PHRF1: variants seen among roughly 807,000 people sequenced by gnomAD.
PHRF1 encodes PHD and ring finger domains 1, also known as PHD and RING finger domain-containing protein 1.
Under a neutral mutation model 128.9 loss-of-function variants are expected in PHRF1, and 53 were observed. The observed-to-expected ratio is 0.41, with a 90% CI of 0.33 to 0.52. The LOEUF (loss-of-function observed/expected upper bound fraction) is 0.52, where lower values mean the gene tolerates loss of function less well. Ranked by LOEUF, PHRF1 falls within the 20% of genes least tolerant of loss-of-function variation. The probability of loss-of-function intolerance (pLI) is 0.21; values close to 1 mark genes in which losing one functional copy is unlikely to be tolerated. For missense variants in PHRF1, 2,503 were observed against 2,284.5 expected (o/e 1.10, Z -1.95); for synonymous variants, 1,178 against 980.6 (o/e 1.20, Z -3.76).
chr11:594,319 C>T (rs1157568809), intron 6 of PHRF1, among the ~76,000 whole-genome samples: 1 of 152,248 alleles, frequency 6.6e-6, no homozygotes, highest in African/African-American at 2.4e-5. Context: ...GCAAGGCCCT[C>T]ATCGCAGGCC....
At chr11:592,754 C>G in intron 6 of PHRF1, 80 bp downstream of exon 6, 3 of 1,470,554 alleles carry the variant, frequency 2.0e-6, no homozygotes, top group East Asian at 2.3e-5. Flanking sequence ...AGAGCCTCTT[C>G]GCTCTGTGAA....
At chr11:579,797 C>T (rs1265287586) in intron 1 of PHRF1, among the ~76,000 whole-genome samples, 1 of 152,224 alleles carries the variant, frequency 6.6e-6, no homozygotes, top group Non-Finnish European at 1.5e-5. Context: ...TGGCAGTTGA[C>T]AGTTGGATGG....
chr11:609,767 A>C, intron 14 of PHRF1, 47 bp downstream of exon 14: 5 of 1,205,086 alleles, frequency 4.1e-6, no homozygotes, highest in South Asian at 3.2e-5. Context: ...CCCAGTGAGT[A>C]AGGCCCTGGC....
intron 1 of PHRF1, among the ~76,000 whole-genome samples, chr11:579,822 A>G (rs910543148): frequency 1.3e-5 from 2 of 152,260 alleles, no homozygotes; most frequent in African/African-American, 4.8e-5. Context: ...GACATTCTTC[A>G]CTGTTTTATA....
chr11:597,947 G>A lies in PHRF1; in HGVS notation c.894+377G>A, dbSNP rs563751305. On this transcript the variant is annotated intron_variant, in intron 8 of 17. Transcript: ENST00000264555. The surrounding 1 kb of genome is among the most constrained non-coding windows in gnomAD (Gnocchi z 6.5). ...GTTTCAGGTGCTCCCTGCAGCCTCCGTCCTGACAGCAGCCTTTCCCTGGGC... is the reference window on the plus strand; with the variant it reads ...GTTTCAGGTGCTCCCTGCAGCCTCCATCCTGACAGCAGCCTTTCCCTGGGC... 5.0e-4 allele frequency among the ~76,000 whole-genome samples: 76 copies of A among 152,332 alleles called. No homozygotes were observed. Among genetic ancestry groups the A allele is most frequent in the Non-Finnish European group, 7.8e-4 (53 of 68,012 alleles).
intron 4 of PHRF1, among the ~76,000 whole-genome samples, chr11:587,945 T>C (rs1854681270): frequency 6.6e-6 from 1 of 152,220 alleles, no homozygotes; most frequent in Admixed American, 6.5e-5. Context: ...TATTTTATAT[T>C]TCAAAATGAA....
intron 10 of PHRF1, 96 bp downstream of exon 10, chr11:601,797 C>A (rs1418719139): frequency 2.0e-6 from 3 of 1,490,200 alleles, no homozygotes; most frequent in African/African-American, 1.4e-5. Context: ...GCCTTGGCAC[C>A]CTCGCGCGGT....
chr11:608,950 C>G lies in PHRF1; in HGVS notation c.3494C>G (p.Ser1165Cys), dbSNP rs1435899112. 2 of 1,610,612 alleles carry G rather than the reference C, an allele frequency of 1.2e-6. No homozygotes were observed. The highest frequency in any genetic ancestry group is 1.7e-6 in the Non-Finnish European group (2 of 1,179,236). Reference sequence around the variant, plus strand: ...GACCGGAGGAAGCGGAGGTCCCGGTCCCCAAGCTCGGAGCACAGGGCACGG... The same window carrying G: ...GACCGGAGGAAGCGGAGGTCCCGGTGCCCAAGCTCGGAGCACAGGGCACGG... ...PRDRRKRRSRSPSSEHRAREH... is the reference protein window; with the variant it reads ...PRDRRKRRSRCPSSEHRAREH... The change falls in exon 14 of 18, where the codon TCC (serine) becomes TGC (cysteine). Residue 1165 changes from serine to cysteine, a missense_variant. Physicochemically the swap from Ser to Cys is moderately radical, Grantham distance 112. Transcript: ENST00000264555.
At position 606,333 on chromosome 11, in the gene PHRF1, G is replaced by C. The variant is rs932368088; in HGVS notation, c.1455-109G>C. On this transcript the variant is annotated intron_variant, in intron 12 of 17. Coordinates refer to ENST00000264555, the MANE Select transcript of PHRF1 (RefSeq NM_001286581.2). ...AGGGCTGTGGGGGAGGCGCAGGCCCGGCCCAGCCCCACTCTCCCTGGCTCC... is the reference window on the plus strand; with the variant it reads ...AGGGCTGTGGGGGAGGCGCAGGCCCCGCCCAGCCCCACTCTCCCTGGCTCC... 53 of 1,375,954 alleles carry C rather than the reference G, an allele frequency of 3.9e-5. No individual in the cohort carries two copies. In the South Asian group the frequency reaches 7.8e-4, roughly 20 times the overall value. The allele number at this position is 1,375,954 out of a possible 1,614,324, so 85.2% of individuals were successfully genotyped here.
intron 5 of PHRF1, 101 bp from the exon 6 acceptor site, chr11:592,458 C>G (rs1006910311): frequency 1.7e-6 from 2 of 1,187,248 alleles, no homozygotes; most frequent in African/African-American, 1.5e-5. Flanking sequence ...AAATATGAAT[C>G]TAAGGCAATG....
At chr11:582,866 C>T (rs1006118697) in intron 3 of PHRF1, among the ~76,000 whole-genome samples, 1 of 150,692 alleles carries the variant, frequency 6.6e-6, no homozygotes, top group Non-Finnish European at 1.5e-5. Context: ...AACCCCCTCT[C>T]TACTACAAAT....
At chr11:606,210 G>A (rs1295770624) in intron 12 of PHRF1, among the ~76,000 whole-genome samples, 14 of 152,248 alleles carry the variant, frequency 9.2e-5, no homozygotes, top group Admixed American at 5.2e-4. Flanking sequence ...TCCCAAAAAC[G>A]CCTGGTTTCC....
At chr11:606,802 C>T in intron 13 of PHRF1, 1 of 890,730 alleles carries the variant, frequency 1.1e-6, no homozygotes, top group South Asian at 1.8e-5. Context: ...GCTTCATGTT[C>T]ATAAGAACAT....
intron 9 of PHRF1, 146 bp from the exon 10 acceptor site, chr11:601,428 C>CAA (rs59861558): frequency 0.014 from 11,772 of 863,008 alleles, no homozygotes; most frequent in Middle Eastern, 0.017. Flanking sequence ...GATCCTGTCT[C>CAA]AAAAAAAAAA....
chr11:603,376 G>A (rs950791408), intron 10 of PHRF1, among the ~76,000 whole-genome samples: 1 of 152,006 alleles, frequency 6.6e-6, no homozygotes, highest in East Asian at 1.9e-4. Context: ...TCTGTTACCC[G>A]GGCTGGAGTG....
chr11:608,262 TC>T lies in PHRF1; in HGVS notation c.2813del (p.Pro938GlnfsTer23). ...CCTGGCTGCCCGGCTGCGGAGGCCA[TC>T]CCCCCCAGAGCCCTGGGATGAGGAG... ...QGLAARLRRPSPPEPWDEEDG... is the reference protein window; with the variant it reads ...QGLAARLRRPXPPEPWDEEDG... On this transcript the variant is annotated frameshift_variant, in exon 14 of 18. Coordinates refer to ENST00000264555, the MANE Select transcript of PHRF1 (RefSeq NM_001286581.2). LOFTEE classifies it high-confidence loss of function. 6.2e-6 allele frequency: 10 copies of T among 1,609,024 alleles called. No individual in the cohort carries two copies. Among genetic ancestry groups the T allele is most frequent in the Non-Finnish European group, 2.5e-6 (3 of 1,179,348 alleles).
chr11:611,703 A>G lies in PHRF1; in HGVS notation c.4876A>G (p.Lys1626Glu), dbSNP rs1261917795. The G allele has an allele frequency of 6.2e-7, 1 of 1,613,094 alleles. No individual in the cohort carries two copies. The highest frequency in any genetic ancestry group is 8.5e-7 in the Non-Finnish European group (1 of 1,179,842). The change falls in exon 18 of 18, where the codon AAG becomes GAG. Residue 1626 changes from lysine (K) to glutamate (E), a missense_variant. By Grantham distance (56) the Lys-to-Glu change is moderately conservative. Coordinates refer to ENST00000264555, the MANE Select transcript of PHRF1 (RefSeq NM_001286581.2). Reference protein sequence around the residue: ...VANLVKAYVDKYRHMRRHKKP... With the variant: ...VANLVKAYVDEYRHMRRHKKP... Reference sequence around the variant, plus strand: ...CAACCTGGTGAAGGCGTACGTGGACAAGTACAGGCACATGCGCAGGCACAA... The same window carrying G: ...CAACCTGGTGAAGGCGTACGTGGACGAGTACAGGCACATGCGCAGGCACAA...
At chr11:593,228 C>T (rs1376220832) in intron 6 of PHRF1, among the ~76,000 whole-genome samples, 1 of 152,262 alleles carries the variant, frequency 6.6e-6, no homozygotes, top group African/African-American at 2.4e-5. Context: ...TGCCCCCTTC[C>T]CCGTTAGCCT....
rs35825045 is a variant in PHRF1, at chr11:600,493, AATATAT to A, written c.1025-1060_1025-1055del. On this transcript the variant is annotated intron_variant, in intron 9 of 17. Coordinates refer to ENST00000264555, the MANE Select transcript of PHRF1 (RefSeq NM_001286581.2). ...GACAGAGTGAGACTCTGTCTCCAAA[AATATAT>A]ATATATATATATATATATATGGTTT... Among the ~76,000 whole-genome samples the A allele has an allele frequency of 1.1e-3, 138 of 129,324 alleles. 2 individuals carry two copies. The highest frequency in any genetic ancestry group is 4.1e-3 in the African/African-American group (130 of 31,926). The allele number at this position is 129,324 out of a possible 152,430, so 84.8% of individuals were successfully genotyped here.
Sources: allele counts gnomAD v4.1 joint callset (sites outside exome capture counted in the v4.1 genomes callset), GRCh38; gene constraint gnomAD v4.1.1; non-coding constraint Gnocchi (gnomAD v3.1); transcripts MANE v1.5; gene names NCBI Gene and HGNC (gene_info 2026-07-23, HGNC 2026-07-21).